The following SYT1 variants were observed in gnomAD, a reference collection of about 807,000 sequenced individuals.
SYT1 encodes the protein synaptotagmin-1.
A neutral mutation model predicts 44.8 loss-of-function variants in SYT1; 8 were observed. The observed-to-expected ratio is 0.18, with a 90% CI of 0.10 to 0.32. The LOEUF (loss-of-function observed/expected upper bound fraction) is 0.32, where lower values mean the gene tolerates loss of function less well. Among genes scored for constraint, SYT1 ranks in the 10% least tolerant of loss-of-function variants. The probability of loss-of-function intolerance (pLI) is 1.00; values close to 1 mark genes in which losing one functional copy is unlikely to be tolerated. For synonymous variants in SYT1, 154 were observed against 188.8 expected, an observed-to-expected ratio of 0.82 and a Z score of 1.51; for missense variants, 286 against 509.3, an observed-to-expected ratio of 0.56 and a Z score of 4.22.
chr12:79,408,188 A>G (rs1016156133), intron 9 of SYT1, among the ~76,000 whole-genome samples: 4 of 152,124 alleles, frequency 2.6e-5, no homozygotes, highest in African/African-American at 9.7e-5. Flanking sequence ...GGGATTTCCT[A>G]TTGGTTCATT....
At chr12:79,247,736 A>C (rs1257817495) in intron 4 of SYT1, among the ~76,000 whole-genome samples, 1 of 152,190 alleles carries the variant, frequency 6.6e-6, no homozygotes, top group African/African-American at 2.4e-5. Flanking sequence ...TGCTTTCAGC[A>C]CACAAACATA....
chr12:78,872,987 T>G (rs1008133390), intron 1 of SYT1, among the ~76,000 whole-genome samples: 31 of 151,870 alleles, frequency 2.0e-4, no homozygotes, highest in African/African-American at 7.0e-4. Flanking sequence ...AAAACTGGCA[T>G]GTACTATTTG....
intron 3 of SYT1, among the ~76,000 whole-genome samples, chr12:79,062,210 G>C (rs895489047): frequency 1.4e-4 from 21 of 152,226 alleles, no homozygotes; most frequent in African/African-American, 5.1e-4. Flanking sequence ...TTAAGTTATT[G>C]CAGTGAGGAA....
rs112015301 is a variant in SYT1, at chr12:79,073,818, C to T, written c.-18+26456C>T. Among the ~76,000 whole-genome samples, 153 of 152,232 alleles carry T rather than the reference C, an allele frequency of 1.0e-3. 1 individual carries two copies. The highest frequency in any genetic ancestry group is 3.5e-3 in the African/African-American group (144 of 41,548). ...ACCTGACTCTCTTTTTCTGTCTCTC[C>T]CTTTATCTCTGCCTCTCAGCACAGG... On this transcript the variant is annotated intron_variant, in intron 3 of 10. Transcript: ENST00000261205.
At chr12:79,021,660 A>C (rs1036786207) in intron 2 of SYT1, among the ~76,000 whole-genome samples, 1 of 151,996 alleles carries the variant, frequency 6.6e-6, no homozygotes, top group African/African-American at 2.4e-5. Flanking sequence ...TATTTTAAAG[A>C]TGAAAATTGC....
At chr12:79,116,267 A>T (rs1433694444) in intron 3 of SYT1, among the ~76,000 whole-genome samples, 1 of 152,198 alleles carries the variant, frequency 6.6e-6, no homozygotes, top group African/African-American at 2.4e-5. Context: ...TACTATGTCT[A>T]TTGGGAGTGC....
In SYT1 at chr12:79,142,698, A is replaced by G. The variant is rs573273030; in HGVS notation, c.-17-74805A>G. Reference sequence around the variant, plus strand: ...AACTCTAGGCAATTCATAATTTCATAAGAACTCTCATTTGTCTTTTGAGCA... The same window carrying G: ...AACTCTAGGCAATTCATAATTTCATGAGAACTCTCATTTGTCTTTTGAGCA... On this transcript the variant is annotated intron_variant, in intron 3 of 10. Transcript: ENST00000261205. Among the ~76,000 whole-genome samples, 39 of 152,364 alleles carry G rather than the reference A, an allele frequency of 2.6e-4. No homozygotes were observed. In the South Asian group the frequency reaches 7.9e-3, roughly 31 times the overall value.
chr12:79,286,538 T>C (rs992416390), intron 5 of SYT1, among the ~76,000 whole-genome samples: 16 of 152,294 alleles, frequency 1.1e-4, no homozygotes, highest in African/African-American at 2.9e-4. Flanking sequence ...TTTTGCCTTA[T>C]GAAAAAGTTT....
rs59921744 is a variant in SYT1 at position 79,221,135 on chromosome 12, T to C, written c.166+3450T>C. 3.3e-3 allele frequency among the ~76,000 whole-genome samples: 507 copies of C among 152,320 alleles called. 3 individuals are homozygous for C. Among genetic ancestry groups the C allele is most frequent in the African/African-American group, 0.012 (491 of 41,586 alleles). ...GGTGCATATATGTTTGCAATTATTA[T>C]ATTCTCTTGCTGAATTTTGACCATT... is the stretch of plus-strand genomic sequence containing the variant. On this transcript the variant is annotated intron_variant, in intron 4 of 10. Coordinates refer to ENST00000261205, the MANE Select transcript of SYT1 (RefSeq NM_005639.3).
chr12:79,142,167 A>C (rs1010042541), intron 3 of SYT1, among the ~76,000 whole-genome samples: 5 of 152,214 alleles, frequency 3.3e-5, no homozygotes, highest in Non-Finnish European at 7.3e-5. Flanking sequence ...TAACGCACAG[A>C]CATTGCAGAC....
At chr12:78,936,374 G>C (rs370428442) in intron 1 of SYT1, among the ~76,000 whole-genome samples, 1 of 152,080 alleles carries the variant, frequency 6.6e-6, no homozygotes, top group South Asian at 2.1e-4. Flanking sequence ...ATTATGACTT[G>C]TGTGCTTCCT....
At chr12:79,123,959 T>G (rs1190510623) in intron 3 of SYT1, among the ~76,000 whole-genome samples, 1 of 152,196 alleles carries the variant, frequency 6.6e-6, no homozygotes, top group Non-Finnish European at 1.5e-5. Context: ...CTGCTTCTGT[T>G]TTGTTATTGC....
chr12:79,294,050 A>G (rs1229626648), intron 6 of SYT1, among the ~76,000 whole-genome samples: 1 of 152,098 alleles, frequency 6.6e-6, no homozygotes, highest in Non-Finnish European at 1.5e-5. Flanking sequence ...CTGGCTTTCT[A>G]TATGCATCCA....
chr12:79,268,557 T>C (rs1245681830), intron 4 of SYT1, among the ~76,000 whole-genome samples: 1 of 152,238 alleles, frequency 6.6e-6, no homozygotes. Context: ...TCTAGATTAC[T>C]GTTAACCACA....
chr12:79,136,715 C>T lies in SYT1; in HGVS notation c.-17-80788C>T, dbSNP rs73150215. 2.9e-3 allele frequency among the ~76,000 whole-genome samples: 443 copies of T among 152,098 alleles called. 4 individuals carry two copies. The highest frequency in any genetic ancestry group is 5.1e-3 in the Non-Finnish European group (350 of 67,974). ...CTTGGTCAATAATTTATTGCTCTTG[C>T]TAAACTGAAAAACAATATGTTTGAT... On this transcript the variant is annotated intron_variant, in intron 3 of 10. Coordinates refer to ENST00000261205, the MANE Select transcript of SYT1 (RefSeq NM_005639.3).
At chr12:79,074,847 G>A (rs1015090498) in intron 3 of SYT1, among the ~76,000 whole-genome samples, 2 of 152,084 alleles carry the variant, frequency 1.3e-5, no homozygotes, top group African/African-American at 4.8e-5. Flanking sequence ...GGATTTGGCA[G>A]GGCTGAGACA....
intron 1 of SYT1, among the ~76,000 whole-genome samples, chr12:78,893,915 C>T (rs191177947): frequency 2.6e-5 from 4 of 151,556 alleles, no homozygotes; most frequent in African/African-American, 7.3e-5. Context: ...GTCTCTCATG[C>T]GCAAAGATGC....
chr12:78,970,704 C>T (rs1380108111), intron 1 of SYT1, among the ~76,000 whole-genome samples: 1 of 152,094 alleles, frequency 6.6e-6, no homozygotes, highest in Non-Finnish European at 1.5e-5. Context: ...TTAGCACATA[C>T]ACTATAAATC....
intron 3 of SYT1, among the ~76,000 whole-genome samples, chr12:79,060,751 T>G (rs1291637370): frequency 6.6e-6 from 1 of 152,102 alleles, no homozygotes; most frequent in Non-Finnish European, 1.5e-5. Context: ...AAATGAAATC[T>G]TTTTGCCAAT....
Sources: gnomAD v4.1 joint callset for allele counts (sites outside exome capture counted in the v4.1 genomes callset) on GRCh38, gnomAD v4.1.1 for gene constraint, MANE v1.5 for transcripts, NCBI Gene and HGNC (gene_info 2026-07-23, HGNC 2026-07-21) for gene names.